The following COL4A2 variants were observed in gnomAD, a reference collection of about 807,000 sequenced individuals.
The protein encoded by COL4A2 is collagen type IV alpha 2 chain.
Under a neutral mutation model 200.2 loss-of-function variants are expected in COL4A2, and 99 were observed. The ratio of observed to expected loss-of-function variants is 0.49; its 90% confidence interval spans 0.42 to 0.58. The LOEUF (loss-of-function observed/expected upper bound fraction) is 0.58. Ranked by LOEUF, COL4A2 falls within the 20% of genes least tolerant of loss-of-function variation. COL4A2 has a pLI of 0.00. For missense variants in COL4A2, 1,950 were observed against 2,314.1 expected (o/e 0.84, Z 3.23); for synonymous variants, 897 against 900.6 (o/e 1.00, Z 0.07).
At chr13:110,504,107 T>A (rs1883756163) in intron 44 of COL4A2, 41 bp from the exon 45 acceptor site, 1 of 1,600,990 alleles carries the variant, frequency 6.2e-7, no homozygotes, top group Non-Finnish European at 8.6e-7. Context: ...GTGCCAGGCG[T>A]GGTCAGTTTC....
At chr13:110,482,417 C>A in intron 31 of COL4A2, 99 bp from the exon 32 acceptor site, 1 of 1,320,372 alleles carries the variant, frequency 7.6e-7, no homozygotes. Context: ...AATCTTCTCA[C>A]TTGAGTTACA....
chr13:110,385,504 T>C (rs370346070), intron 4 of COL4A2, among the ~76,000 whole-genome samples: 16 of 142,544 alleles, frequency 1.1e-4, no homozygotes, highest in East Asian at 6.3e-4. Flanking sequence ...GTGGTTACAG[T>C]GTGTGGATAG....
chr13:110,331,669 T>TGG (rs1875919048), intron 3 of COL4A2, among the ~76,000 whole-genome samples: 3 of 152,290 alleles, frequency 2.0e-5, no homozygotes, highest in Admixed American at 2.0e-4. Context: ...ATGGAGGCAA[T>TGG]ATTCCAAACA....
At chr13:110,318,698 G>A (rs1317726592) in intron 3 of COL4A2, among the ~76,000 whole-genome samples, 4 of 152,120 alleles carry the variant, frequency 2.6e-5, no homozygotes, top group Non-Finnish European at 5.9e-5. Flanking sequence ...CCTTATGCAC[G>A]TGCCCAGAGG....
At chr13:110,486,504 G>A (rs1456466354) in intron 34 of COL4A2, among the ~76,000 whole-genome samples, 1 of 152,238 alleles carries the variant, frequency 6.6e-6, no homozygotes, top group African/African-American at 2.4e-5. Flanking sequence ...TATGAAGATA[G>A]TGTATTCTCA....
chr13:110,357,331 T>G, intron 3 of COL4A2, 141 bp from the exon 4 acceptor site: 2 of 1,330,088 alleles, frequency 1.5e-6, no homozygotes, highest in Non-Finnish European at 2.0e-6. Context: ...AATTAGTCTA[T>G]TTTTTTAAAA....
chr13:110,430,057 T>C, intron 8 of COL4A2, 101 bp downstream of exon 8: 1 of 1,206,156 alleles, frequency 8.3e-7, no homozygotes, highest in Admixed American at 2.8e-5. Flanking sequence ...AGAATGAATG[T>C]ACTGAAGGCA....
chr13:110,450,837 G>A (rs778599099), intron 20 of COL4A2, among the ~76,000 whole-genome samples: 2 of 152,204 alleles, frequency 1.3e-5, no homozygotes, highest in Non-Finnish European at 1.5e-5. Context: ...CCTAATCCAG[G>A]GTGAGGGCTC....
intron 41 of COL4A2, 26 bp from the exon 42 acceptor site, chr13:110,503,095 T>A (rs757786561): frequency 3.2e-5 from 52 of 1,610,350 alleles, no homozygotes; most frequent in Non-Finnish European, 4.0e-5. Context: ...GTTTAAACCC[T>A]CCTTTCTTGT....
At chr13:110,450,517 C>T (rs1001321866) in intron 20 of COL4A2, 63 bp downstream of exon 20, 47 of 1,580,424 alleles carry the variant, frequency 3.0e-5, no homozygotes, top group South Asian at 2.1e-4. Flanking sequence ...CGGTCCCAGC[C>T]GGATGTTATT....
At chr13:110,392,165 G>A (rs1470597716) in intron 4 of COL4A2, among the ~76,000 whole-genome samples, 1 of 152,134 alleles carries the variant, frequency 6.6e-6, no homozygotes, top group Non-Finnish European at 1.5e-5. Context: ...GGTTGAATAT[G>A]GTGAGAACTT....
intron 4 of COL4A2, among the ~76,000 whole-genome samples, chr13:110,410,611 C>T (rs532486999): frequency 3.9e-5 from 6 of 152,256 alleles, no homozygotes; most frequent in East Asian, 1.9e-4. Context: ...GCGTCAAATT[C>T]GAAGCCACTT....
chr13:110,479,364 G>A (rs1882812052), intron 30 of COL4A2, among the ~76,000 whole-genome samples: 1 of 11,598 alleles, frequency 8.6e-5, no homozygotes, highest in African/African-American at 2.0e-4. Flanking sequence ...GCAGGTCAGA[G>A]CAAGCCCAAG....
rs978536033 is a variant in COL4A2 at position 110,512,445 on chromosome 13, C to T, written c.*254C>T. The stretch of plus-strand genomic sequence containing the variant: ...GCCCCCATCAGCCCTGCTAGACGCA[C>T]CGCCTGAAGGCACAGCTAACCACTT... On this transcript the variant is annotated 3_prime_UTR_variant, in exon 48 of 48. Transcript: ENST00000360467. 44 of 587,536 alleles carry T rather than the reference C, an allele frequency of 7.5e-5. No individual in the cohort carries two copies. Among genetic ancestry groups the T allele is most frequent in the Non-Finnish European group, 1.2e-4 (42 of 342,376 alleles). The allele number at this position is 587,536 out of a possible 1,614,324, so 36.4% of individuals were successfully genotyped here.
At chr13:110,484,528 G>A (rs557522187) in intron 32 of COL4A2, among the ~76,000 whole-genome samples, 75 of 152,202 alleles carry the variant, frequency 4.9e-4, no homozygotes, top group East Asian at 3.3e-3. Flanking sequence ...CCTGCCTCAC[G>A]GGCCTTCCTG....
At chr13:110,373,469 C>T (rs1399305775) in intron 4 of COL4A2, among the ~76,000 whole-genome samples, 2 of 152,202 alleles carry the variant, frequency 1.3e-5, no homozygotes, top group African/African-American at 4.8e-5. Flanking sequence ...ACTTATAGAA[C>T]AGTCCTCCTG....
At chr13:110,430,628 G>A (rs1265038701) in intron 10 of COL4A2, 21 bp downstream of exon 10, 1 of 1,613,866 alleles carries the variant, frequency 6.2e-7, no homozygotes, top group East Asian at 2.2e-5. Flanking sequence ...GGACACAGGT[G>A]CCCACTCTGG....
At chr13:110,495,704 G>C (rs1347251347) in intron 40 of COL4A2, among the ~76,000 whole-genome samples, 1 of 152,214 alleles carries the variant, frequency 6.6e-6, no homozygotes, top group Non-Finnish European at 1.5e-5. Flanking sequence ...TGGAGTAACT[G>C]ATAAGCTCCC....
At chr13:110,492,223 G>C (rs764854926) in intron 38 of COL4A2, 46 bp downstream of exon 38, 1 of 1,515,306 alleles carries the variant, frequency 6.6e-7, no homozygotes, top group South Asian at 1.2e-5. Flanking sequence ...AGAGTCGTGG[G>C]CTGTGCAGGA....
Sources: allele counts gnomAD v4.1 joint callset (sites outside exome capture counted in the v4.1 genomes callset), GRCh38; gene constraint gnomAD v4.1.1; transcripts MANE v1.5; gene names NCBI Gene and HGNC (gene_info 2026-07-23, HGNC 2026-07-21).